The following PACRG variants were observed in gnomAD, a reference collection of about 807,000 sequenced individuals.
PACRG encodes the protein parkin coregulated, also known as parkin coregulated gene protein.
In PACRG, 29 loss-of-function variants were observed where a neutral mutation model predicts 29.7. The observed-to-expected ratio is 0.98, with a 90% CI of 0.73 to 1.33. PACRG has a LOEUF of 1.33. Ranked by LOEUF, PACRG falls within the 40% of genes most tolerant of loss-of-function variation. The pLI is 0.00. For synonymous variants in PACRG, 116 were observed against 118.7 expected, an observed-to-expected ratio of 0.98 and a Z score of 0.15; for missense variants, 279 against 316.2, an observed-to-expected ratio of 0.88 and a Z score of 0.89.
chr6:163,157,055 G>A (rs575951929), intron 4 of PACRG, among the ~76,000 whole-genome samples: 2 of 152,288 alleles, frequency 1.3e-5, no homozygotes, highest in East Asian at 3.9e-4. Context: ...CGTTCATCTT[G>A]GCGGTGGTGG....
chr6:162,956,448 G>A (rs1275235493), intron 2 of PACRG, among the ~76,000 whole-genome samples: 3 of 152,196 alleles, frequency 2.0e-5, no homozygotes, highest in Non-Finnish European at 2.9e-5. Context: ...TCAATGTTAT[G>A]TTATTTGTTT....
rs1799246263 is a variant in PACRG at position 162,947,585 on chromosome 6, T to TATATACTC, written c.292-114560_292-114559insCTCATATA. Reference sequence around the variant, plus strand: ...ATATATATATACTCATATATAATCATATATATAATCATATATATATATAAT... The same window carrying TATATACTC: ...ATATATATATACTCATATATAATCATATATACTCATATATAATCATATATATATATAAT... On this transcript the variant is annotated intron_variant, in intron 2 of 4. Coordinates refer to ENST00000366888, the MANE Select transcript of PACRG (RefSeq NM_001080379.2). Among the ~76,000 whole-genome samples the TATATACTC allele has an allele frequency of 1.7e-4, 8 of 46,560 alleles. No homozygotes were observed. In the Admixed American group the frequency reaches 2.2e-3, roughly 13 times the overall value. 30.5% of individuals were successfully genotyped at this position (46,560 alleles called of 152,430 possible). A position where few individuals can be genotyped will look rare whatever the true frequency, so the allele number is the denominator to read the frequency against.
intron 4 of PACRG, among the ~76,000 whole-genome samples, chr6:163,171,333 G>C (rs1779073925): frequency 3.9e-5 from 6 of 152,194 alleles, no homozygotes. Context: ...CAATAGCCAA[G>C]AAGAGCTGGC....
intron 2 of PACRG, among the ~76,000 whole-genome samples, chr6:162,913,007 G>A (rs1796419308): frequency 1.3e-5 from 2 of 151,834 alleles, no homozygotes; most frequent in Non-Finnish European, 2.9e-5. Context: ...AAAATTTTAT[G>A]TATATAAAAT....
intron 4 of PACRG, among the ~76,000 whole-genome samples, chr6:163,138,876 A>G (rs1209368015): frequency 1.3e-5 from 2 of 152,214 alleles, no homozygotes; most frequent in African/African-American, 4.8e-5. Context: ...AGTTTCCTAT[A>G]TTACCTCACT....
At chr6:163,117,346 C>T (rs1816052783) in intron 4 of PACRG, among the ~76,000 whole-genome samples, 1 of 152,218 alleles carries the variant, frequency 6.6e-6, no homozygotes, top group Admixed American at 6.5e-5. Context: ...ACTGAGGCCG[C>T]CTGGCTCCAG....
At chr6:163,003,964 C>T (rs920886470) in intron 2 of PACRG, among the ~76,000 whole-genome samples, 4 of 152,166 alleles carry the variant, frequency 2.6e-5, no homozygotes, top group Admixed American at 1.3e-4. Context: ...TCCACTTGGA[C>T]TTGCTTAATA....
intron 2 of PACRG, among the ~76,000 whole-genome samples, chr6:162,839,056 T>C: frequency 7.5e-6 from 1 of 134,000 alleles, no homozygotes; most frequent in South Asian, 2.6e-4. Flanking sequence ...TAAACATACG[T>C]GTGCATGTGT....
intron 2 of PACRG, among the ~76,000 whole-genome samples, chr6:162,924,308 A>G (rs919659702): frequency 1.3e-5 from 2 of 151,930 alleles, no homozygotes; most frequent in Admixed American, 6.6e-5. Flanking sequence ...ATGTTTTTCT[A>G]TATATAAGAT....
At chr6:162,822,407 A>G (rs1584460446) in intron 2 of PACRG, among the ~76,000 whole-genome samples, 1 of 152,154 alleles carries the variant, frequency 6.6e-6, no homozygotes, top group African/African-American at 2.4e-5. Context: ...AGTAACTACT[A>G]TTTTCACAAA....
chr6:162,970,722 C>T (rs1249190747), intron 2 of PACRG, among the ~76,000 whole-genome samples: 1 of 152,172 alleles, frequency 6.6e-6, no homozygotes, highest in Non-Finnish European at 1.5e-5. Context: ...ATTAAAGTTG[C>T]CTACCATTAA....
chr6:162,782,079 T>G (rs938895164), intron 1 of PACRG, among the ~76,000 whole-genome samples: 8 of 151,716 alleles, frequency 5.3e-5, no homozygotes, highest in Non-Finnish European at 8.9e-5. Context: ...AAAGATAAAA[T>G]ATGTGAACAC....
At chr6:162,737,124 C>A (rs1053604701) in intron 1 of PACRG, among the ~76,000 whole-genome samples, 2 of 152,120 alleles carry the variant, frequency 1.3e-5, no homozygotes, top group Non-Finnish European at 2.9e-5. Flanking sequence ...ATACTGCCAC[C>A]TGCTGTGCTT....
intron 2 of PACRG, among the ~76,000 whole-genome samples, chr6:163,010,627 C>T (rs749853942): frequency 2.0e-5 from 3 of 152,156 alleles, no homozygotes; most frequent in Non-Finnish European, 4.4e-5. Flanking sequence ...CATTGTTAGA[C>T]GAGTCTTGCT....
chr6:163,308,758 A>G (rs1785290488), intron 4 of PACRG, among the ~76,000 whole-genome samples: 1 of 152,106 alleles, frequency 6.6e-6, no homozygotes, highest in Non-Finnish European at 1.5e-5. Flanking sequence ...TAATAAATGC[A>G]GTGAGTTCCA....
chr6:162,833,580 G>A (rs1001210742), intron 2 of PACRG, among the ~76,000 whole-genome samples: 1 of 151,964 alleles, frequency 6.6e-6, no homozygotes, highest in Non-Finnish European at 1.5e-5. Flanking sequence ...GTATTTCATT[G>A]TGGTTTTCAT....
chr6:162,886,466 A>G (rs1223273725), intron 2 of PACRG, among the ~76,000 whole-genome samples: 2 of 152,190 alleles, frequency 1.3e-5, no homozygotes, highest in East Asian at 3.8e-4. Flanking sequence ...ATGACTTCAT[A>G]CAATCACATG....
chr6:163,200,772 C>G (rs1780662842), intron 4 of PACRG, among the ~76,000 whole-genome samples: 1 of 152,302 alleles, frequency 6.6e-6, no homozygotes, highest in African/African-American at 2.4e-5. Context: ...ATAGGGTGAC[C>G]AATTGCCCCA....
intron 4 of PACRG, among the ~76,000 whole-genome samples, chr6:163,219,978 A>C (rs1480256585): frequency 2.0e-5 from 3 of 152,032 alleles, no homozygotes; most frequent in African/African-American, 7.2e-5. Context: ...ACCTTGCTTT[A>C]TTTTGCTTCA....
Sources: allele counts gnomAD v4.1 joint callset (sites outside exome capture counted in the v4.1 genomes callset), GRCh38; gene constraint gnomAD v4.1.1; transcripts MANE v1.5; gene names NCBI Gene and HGNC (gene_info 2026-07-23, HGNC 2026-07-21).